The following SLC25A28 variants were observed in gnomAD, a reference collection of about 807,000 sequenced individuals.
The protein encoded by SLC25A28 is solute carrier family 25 member 28.
SLC25A28 carries 10 observed loss-of-function variants against 31.9 expected under a neutral mutation model. That is an observed-to-expected ratio of 0.31 (90% CI 0.19 to 0.53). SLC25A28 has a LOEUF of 0.53. Among genes scored for constraint, SLC25A28 ranks in the 20% least tolerant of loss-of-function variants. The pLI, the probability that SLC25A28 is intolerant of heterozygous loss-of-function variation, is 0.95. For missense variants in SLC25A28, 256 were observed against 490.3 expected (o/e 0.52, Z 4.51); for synonymous variants, 208 against 203.6 (o/e 1.02, Z -0.19).
chr10:99,637,007 A>G, the SLC25A28 span, among the ~76,000 whole-genome samples: 1 of 152,226 alleles, frequency 6.6e-6, no homozygotes, highest in Non-Finnish European at 1.5e-5. Flanking sequence ...CAACAGCCCA[A>G]TATCCCTGAT....
the SLC25A28 span, among the ~76,000 whole-genome samples, chr10:99,633,952 C>T: frequency 1.3e-5 from 2 of 152,292 alleles, no homozygotes; most frequent in East Asian, 3.9e-4. Flanking sequence ...GGCTGAGAGA[C>T]CAATAGACAG....
At chr10:99,621,033 C>T, upstream of SLC25A28, 4 of 964,558 alleles carry the variant, frequency 4.1e-6, no homozygotes, top group Non-Finnish European at 4.9e-6. Context: ...CCCGCGGGAT[C>T]TCGTCGCGGG....
the SLC25A28 span, among the ~76,000 whole-genome samples, chr10:99,634,535 A>G: frequency 6.6e-6 from 1 of 152,228 alleles, no homozygotes; most frequent in Non-Finnish European, 1.5e-5. Context: ...AACAAGTAGA[A>G]GAAAGAAATT....
rs2034498836 is a variant in SLC25A28, at chr10:99,610,632, T to C, written c.*217A>G. 2 of 585,414 alleles carry C rather than the reference T, an allele frequency of 3.4e-6. No homozygotes were observed. The highest frequency in any genetic ancestry group is 6.1e-6 in the Non-Finnish European group (2 of 329,502). 36.3% of individuals were successfully genotyped at this position (585,414 alleles called of 1,614,324 possible). A position where few individuals can be genotyped will look rare whatever the true frequency, so the allele number is the denominator to read the frequency against. ...GATGGAGAGAGGTTATCAAAGGTGC[T>C]GTGGTGTGCTTTGCTGCACGTGCTT... On this transcript the variant is annotated 3_prime_UTR_variant, in exon 4 of 4. Transcript: ENST00000370495.
chr10:99,633,797 C>T, the SLC25A28 span, among the ~76,000 whole-genome samples: 1 of 152,152 alleles, frequency 6.6e-6, no homozygotes, highest in African/African-American at 2.4e-5. Context: ...CATACTACCA[C>T]AGCTGATGCT....
chr10:99,643,261 T>G, the SLC25A28 span, among the ~76,000 whole-genome samples: 1 of 152,224 alleles, frequency 6.6e-6, no homozygotes, highest in African/African-American at 2.4e-5. Context: ...ACCAATCTAT[T>G]CAGGGATTCA....
At chr10:99,646,494 C>T in the SLC25A28 span, among the ~76,000 whole-genome samples, 4 of 152,208 alleles carry the variant, frequency 2.6e-5, no homozygotes, top group Non-Finnish European at 4.4e-5. Context: ...AATTCCCCAA[C>T]CCCTTGTGCT....
At chr10:99,651,868 C>G in the SLC25A28 span, 2 of 152,210 alleles carry the variant, frequency 1.3e-5, no homozygotes, top group East Asian at 3.9e-4. Flanking sequence ...CAGGCATGAG[C>G]CATCATGCCT....
At chr10:99,620,704 G>A (rs1263518545), upstream of SLC25A28, 1 of 985,880 alleles carries the variant, frequency 1.0e-6, no homozygotes, top group Non-Finnish European at 1.2e-6. Context: ...AAGGGCGGGA[G>A]AAACTTAAGG....
chr10:99,631,804 A>C, the SLC25A28 span, among the ~76,000 whole-genome samples: 792 of 151,632 alleles, frequency 5.2e-3, 4 homozygotes, highest in African/African-American at 0.019. Flanking sequence ...TGGGTTCTGC[A>C]TTCGTGGATT....
the SLC25A28 span, among the ~76,000 whole-genome samples, chr10:99,633,688 C>T: frequency 6.6e-6 from 1 of 150,954 alleles, no homozygotes; most frequent in South Asian, 2.1e-4. Context: ...AAAAAAAAGC[C>T]TAGGCAGACC....
chr10:99,612,520 G>A, intron 3 of SLC25A28, 23 bp downstream of exon 3: 1 of 1,613,398 alleles, frequency 6.2e-7, no homozygotes, highest in Non-Finnish European at 8.5e-7. Flanking sequence ...TGCCCACAGA[G>A]TGATAGGTTG....
chr10:99,639,550 T>TA, the SLC25A28 span, among the ~76,000 whole-genome samples: 6 of 151,192 alleles, frequency 4.0e-5, no homozygotes, highest in Admixed American at 6.6e-5. Flanking sequence ...AAACTCAACC[T>TA]AAAAAAAAAT....
the SLC25A28 span, among the ~76,000 whole-genome samples, chr10:99,633,478 C>T: frequency 6.6e-6 from 1 of 151,926 alleles, no homozygotes; most frequent in Non-Finnish European, 1.5e-5. Context: ...GGTGGATCAC[C>T]TGAGGTCAGG....
chr10:99,611,122 T>G lies in SLC25A28; in HGVS notation c.822A>C (p.Val274=). 1 of 1,614,176 alleles carries G rather than the reference T, an allele frequency of 6.2e-7. No homozygotes were observed. ...HVLSGACAGA[V]AAAATTPLDV... ...CCAGTGGGGTTGTGGCTGCGGCAGC[T>G]ACAGCTCCTGCGCAAGCTCCAGAGA... Residue 274 remains valine, a synonymous_variant, in exon 4 of 4, where the codon GTA becomes GTC. Transcript: ENST00000370495. This position sits in a 1 kb window ranked among gnomAD's most constrained non-coding sequence, Gnocchi z 5.5.
chr10:99,632,664 G>T, the SLC25A28 span, among the ~76,000 whole-genome samples: 59 of 152,296 alleles, frequency 3.9e-4, no homozygotes, highest in African/African-American at 1.2e-3. Flanking sequence ...AATTATCATA[G>T]TTACTGTCCT....
chr10:99,652,069 T>C, the SLC25A28 span: 2 of 152,248 alleles, frequency 1.3e-5, no homozygotes, highest in Non-Finnish European at 2.9e-5. Flanking sequence ...AGTTAGTTTT[T>C]ATAAGTGATG....
chr10:99,620,817 G>A, upstream of SLC25A28: 1 of 985,478 alleles, frequency 1.0e-6, no homozygotes, highest in Non-Finnish European at 1.2e-6. Flanking sequence ...CGCGCCCAGG[G>A]ACTCTAGGGG....
chr10:99,617,900 A>G lies in SLC25A28; in HGVS notation c.291+2145T>C, dbSNP rs920756553. On this transcript the variant is annotated intron_variant, in intron 1 of 3. Coordinates refer to ENST00000370495, the MANE Select transcript of SLC25A28 (RefSeq NM_031212.4). ...TTCAAAATAGTTACCTTGGAAGGCTACAATTGACTTATTCCAGCAAAGCTG... is the reference window on the plus strand; with the variant it reads ...TTCAAAATAGTTACCTTGGAAGGCTGCAATTGACTTATTCCAGCAAAGCTG... 18 of 538,238 alleles carry G rather than the reference A, an allele frequency of 3.3e-5. No homozygotes were observed. In the African/African-American group the frequency reaches 3.7e-4, roughly 11 times the overall value. The allele number at this position is 538,238 out of a possible 1,614,324, so 33.3% of individuals were successfully genotyped here. A position where few individuals can be genotyped will look rare whatever the true frequency, so the allele number is the denominator to read the frequency against.
Sources: gnomAD v4.1 joint callset for allele counts (sites outside exome capture counted in the v4.1 genomes callset) on GRCh38, gnomAD v4.1.1 for gene constraint, Gnocchi (gnomAD v3.1) non-coding constraint, MANE v1.5 for transcripts, NCBI Gene and HGNC (gene_info 2026-07-23, HGNC 2026-07-21) for gene names.